Variants in KATNAL1 observed in about 807,000 individuals in gnomAD.
The protein encoded by KATNAL1 is katanin catalytic subunit A1 like 1.
A neutral mutation model predicts 55.2 loss-of-function variants in KATNAL1; 32 were observed. The ratio of observed to expected loss-of-function variants is 0.58; its 90% CI spans 0.44 to 0.78. KATNAL1 has a LOEUF of 0.78. Ranked by LOEUF, KATNAL1 falls within the 30% of genes least tolerant of loss-of-function variation. The pLI is 0.00. For synonymous variants in KATNAL1, 193 were observed against 193.6 expected, an observed-to-expected ratio of 1.00 and a Z score of 0.02; for missense variants, 466 against 600.9, an observed-to-expected ratio of 0.78 and a Z score of 2.35.
chr13:30,239,152 G>A (rs1026033390), intron 6 of KATNAL1, among the ~76,000 whole-genome samples: 8 of 152,128 alleles, frequency 5.3e-5, no homozygotes, highest in Non-Finnish European at 1.2e-4. Context: ...GTTTATGCTT[G>A]TAATCCCAGC....
intron 1 of KATNAL1, among the ~76,000 whole-genome samples, chr13:30,291,194 AGGG>A: frequency 6.6e-6 from 1 of 152,354 alleles, no homozygotes; most frequent in Admixed American, 6.5e-5. Flanking sequence ...AGAAAATCCT[AGGG>A]AATCTGCAAA....
At chr13:30,224,026 G>A (rs73163465) in intron 9 of KATNAL1, among the ~76,000 whole-genome samples, 1 of 151,962 alleles carries the variant, frequency 6.6e-6, no homozygotes. Context: ...ATGAATTAAA[G>A]TAAAAATCAA....
chr13:30,246,733 G>C (rs1247122394), intron 4 of KATNAL1, among the ~76,000 whole-genome samples: 1 of 152,054 alleles, frequency 6.6e-6, no homozygotes, highest in Non-Finnish European at 1.5e-5. Context: ...AGTGGGCAAA[G>C]GATATGAACA....
chr13:30,294,269 G>C (rs1168937614), intron 1 of KATNAL1, among the ~76,000 whole-genome samples: 2 of 152,250 alleles, frequency 1.3e-5, no homozygotes, highest in Non-Finnish European at 1.5e-5. Context: ...GTGCCAAAGA[G>C]CCAAGTTGTA....
intron 8 of KATNAL1, 43 bp from the exon 9 acceptor site, chr13:30,227,589 C>T: frequency 3.2e-6 from 5 of 1,571,278 alleles, no homozygotes; most frequent in Non-Finnish European, 4.3e-6. Flanking sequence ...TTTCTTACAA[C>T]TCTTTATTCT....
chr13:30,290,812 T>G (rs1262092000), intron 1 of KATNAL1, among the ~76,000 whole-genome samples: 1 of 152,236 alleles, frequency 6.6e-6, no homozygotes, highest in African/African-American at 2.4e-5. Context: ...AGATGGTTTA[T>G]TTTAAAACCA....
intron 4 of KATNAL1, among the ~76,000 whole-genome samples, chr13:30,247,141 C>A (rs958730656): frequency 6.6e-6 from 1 of 152,148 alleles, no homozygotes; most frequent in Non-Finnish European, 1.5e-5. Context: ...CTAGGGAATA[C>A]AGCTCCAGAA....
At chr13:30,274,907 G>GCGCGCGCGCGCGCACACACACACACA (rs869107567) in intron 3 of KATNAL1, among the ~76,000 whole-genome samples, 3 of 105,390 alleles carry the variant, frequency 2.8e-5, no homozygotes, top group East Asian at 2.7e-4. Flanking sequence ...GCGCGCGCGC[G>GCGCGCGCGCGCGCACACACACACACA]CACACACACA....
At chr13:30,269,983 A>C (rs1301105099) in intron 3 of KATNAL1, among the ~76,000 whole-genome samples, 1 of 144,602 alleles carries the variant, frequency 6.9e-6, no homozygotes, top group African/African-American at 2.6e-5. Flanking sequence ...GGAAGTGAGG[A>C]GCCCCTCTGC....
intron 1 of KATNAL1, among the ~76,000 whole-genome samples, chr13:30,288,723 A>T (rs1306543916): frequency 1.3e-5 from 2 of 152,212 alleles, no homozygotes; most frequent in East Asian, 3.8e-4. Flanking sequence ...GAAAAATTTC[A>T]ATCTCACTTC....
At chr13:30,286,352 G>A (rs931555900) in intron 1 of KATNAL1, among the ~76,000 whole-genome samples, 35 of 152,332 alleles carry the variant, frequency 2.3e-4, no homozygotes, top group African/African-American at 8.4e-4. Flanking sequence ...GCAGCCTCGG[G>A]ACTTGGTGCT....
chr13:30,302,330 A>C (rs1275092792), intron 1 of KATNAL1, among the ~76,000 whole-genome samples: 6 of 152,256 alleles, frequency 3.9e-5, no homozygotes, highest in Non-Finnish European at 8.8e-5. Context: ...TCACTAACAT[A>C]AAATTCTTGA....
chr13:30,265,682 T>C lies in KATNAL1; in HGVS notation c.324-10067A>G, dbSNP rs559632138. Among the ~76,000 whole-genome samples the C allele has an allele frequency of 5.9e-5, 9 of 151,986 alleles. 2 individuals are homozygous for C. In the South Asian group the frequency reaches 1.9e-3, roughly 32 times the overall value. ...TTCTACTTATGAGCCTAGCAGATTT[T>C]AGAAGTCCCTTTTAAGAGATTTTTT... On this transcript the variant is annotated intron_variant, in intron 3 of 10. Transcript: ENST00000380615.
Position 30,280,209 on chromosome 13 carries a change from T to C in KATNAL1, c.177A>G (p.Leu59=). 1 of 1,587,798 alleles carries C rather than the reference T, an allele frequency of 6.3e-7. No individual in the cohort carries two copies. Among genetic ancestry groups the C allele is most frequent in the Non-Finnish European group, 8.5e-7 (1 of 1,171,638 alleles). The change falls in exon 3 of 11, where the codon TTA becomes TTG. Residue 59 remains leucine, a synonymous_variant. Coordinates refer to ENST00000380615, the MANE Select transcript of KATNAL1 (RefSeq NM_032116.5). ...KGKWQQVRQE[L]LEEYEQVKSI... is the part of the protein sequence containing the mutation. ...TTTTAACTTGTTCATATTCCTCCAA[T>C]AATTCCTGCCGAACCTTAAAAAAAA...
chr13:30,288,466 A>C (rs1881935047), intron 1 of KATNAL1, among the ~76,000 whole-genome samples: 1 of 152,212 alleles, frequency 6.6e-6, no homozygotes, highest in Non-Finnish European at 1.5e-5. Context: ...TGGAGACCTT[A>C]CTTCTTTGCT....
intron 3 of KATNAL1, among the ~76,000 whole-genome samples, chr13:30,275,878 G>C (rs1002339852): frequency 1.3e-5 from 2 of 151,796 alleles, no homozygotes; most frequent in Admixed American, 6.6e-5. Context: ...GGGGAAAAAA[G>C]GACCTACCAT....
intron 3 of KATNAL1, among the ~76,000 whole-genome samples, chr13:30,277,969 C>G (rs1278817712): frequency 1.8e-4 from 19 of 103,972 alleles, no homozygotes; most frequent in Admixed American, 4.6e-4. Flanking sequence ...GGGGACAGAG[C>G]GAGACTCCGT....
At chr13:30,296,323 C>G (rs1593186233) in intron 1 of KATNAL1, 1 of 1,163,964 alleles carries the variant, frequency 8.6e-7, no homozygotes. Flanking sequence ...CTGCAGTCAG[C>G]AGCCATGCCG....
intron 9 of KATNAL1, among the ~76,000 whole-genome samples, chr13:30,212,984 T>G (rs1273136694): frequency 6.6e-6 from 1 of 152,068 alleles, no homozygotes; most frequent in Non-Finnish European, 1.5e-5. Flanking sequence ...CAAAAACCCC[T>G]AAGGGGAAGA....
Sources: gnomAD v4.1 joint callset for allele counts (sites outside exome capture counted in the v4.1 genomes callset) on GRCh38, gnomAD v4.1.1 for gene constraint, MANE v1.5 for transcripts, NCBI Gene and HGNC (gene_info 2026-07-23, HGNC 2026-07-21) for gene names.